The following ZNF530 variants were observed in gnomAD, a reference collection of about 807,000 sequenced individuals.
ZNF530 encodes zinc finger protein 530.
A neutral mutation model predicts 2.8 loss-of-function variants in ZNF530; 5 were observed. The observed-to-expected ratio is 1.80, with a 90% confidence interval of 0.94 to 3.78. The LOEUF (loss-of-function observed/expected upper bound fraction) is 3.78, where lower values mean the gene tolerates loss of function less well. Among genes scored for constraint, ZNF530 ranks in the 30% most tolerant of loss-of-function variants. ZNF530 has a pLI of 0.00. For missense variants in ZNF530, 619 were observed against 673.3 expected, an observed-to-expected ratio of 0.92 and a Z score of 0.89; for synonymous variants, 229 against 235.0, an observed-to-expected ratio of 0.97 and a Z score of 0.23.
At position 57,600,756 on chromosome 19, in the gene ZNF530, G is replaced by A. The variant is rs1980195506; in HGVS notation, c.-93G>A. On this transcript the variant is annotated 5_prime_UTR_variant, in exon 2 of 4. Coordinates refer to ENST00000597700, the MANE Select transcript of ZNF530 (RefSeq NM_001321981.2). ...GCCACTAGTACTTACAGGTCCGTAAGAAGCACTTGAAGACCCTACAAGGGT... is the reference window on the plus strand; with the variant it reads ...GCCACTAGTACTTACAGGTCCGTAAAAAGCACTTGAAGACCCTACAAGGGT... 6.6e-6 allele frequency: 1 copy of A among 152,278 alleles called. No individual in the cohort carries two copies. The highest frequency in any genetic ancestry group is 2.4e-5 in the African/African-American group (1 of 41,454). The allele number at this position is 152,278 out of a possible 1,614,324, so 9.4% of individuals were successfully genotyped here. A position where few individuals can be genotyped will look rare whatever the true frequency, so the allele number is the denominator to read the frequency against.
At chr19:57,610,863 C>T (rs1980850522), downstream of ZNF530, among the ~76,000 whole-genome samples, 1 of 152,170 alleles carries the variant, frequency 6.6e-6, no homozygotes, top group East Asian at 1.9e-4. Flanking sequence ...GTGAAATGGT[C>T]TGTTCAGGGC....
At chr19:57,604,167 G>A (rs539502830) in intron 2 of ZNF530, 110 bp from the exon 3 acceptor site, 237 of 1,499,766 alleles carry the variant, frequency 1.6e-4, no homozygotes, top group African/African-American at 1.4e-3. Context: ...TGTTGTATTC[G>A]CTGAGGTGGG....
At chr19:57,600,256 G>A in intron 1 of ZNF530, 122 bp downstream of exon 1, 2 of 1,204,700 alleles carry the variant, frequency 1.7e-6, no homozygotes, top group East Asian at 2.8e-5. Flanking sequence ...GCTGGATCTC[G>A]TTTCTGGTAG....
At chr19:57,605,205 A>G (rs191290997) in intron 3 of ZNF530, 324 of 153,376 alleles carry the variant, frequency 2.1e-3, no homozygotes, top group Non-Finnish European at 4.2e-3. Context: ...TCCAGCCCTT[A>G]GCTGCTACCA....
At chr19:57,612,469 A>G (rs1980911243), downstream of ZNF530, 3 of 400,724 alleles carry the variant, frequency 7.5e-6, no homozygotes, top group South Asian at 1.3e-4. Context: ...TTCTGATAGC[A>G]CTTTCTAAAT....
rs747742922 is a variant in ZNF530, at chr19:57,605,949, G to A, written c.325G>A (p.Gly109Arg). The change falls in exon 4 of 4, where the codon GGA becomes AGA. Residue 109 changes from glycine (G) to arginine (R), a missense_variant. Transcript: ENST00000597700. ...TCACCAGCTCCAGAAGCTTGATAAT[G>A]GAGAGAAGCTCTTTAAAGTGGATGG... ...NLHQLQKLDN[G>R]EKLFKVDGDQ... 3.7e-6 allele frequency: 6 copies of A among 1,614,184 alleles called. No individual in the cohort carries two copies. The East Asian group carries it at 1.1e-4, about 30-fold the overall frequency.
chr19:57,612,610 G>A (rs1241544985), downstream of ZNF530: 4 of 398,220 alleles, frequency 1.0e-5, no homozygotes, highest in Admixed American at 4.4e-5. Context: ...GAGCCCAAGA[G>A]TTTGAGGCTG....
At chr19:57,600,886 C>T in intron 2 of ZNF530, 107 bp downstream of exon 2, 1 of 152,182 alleles carries the variant, frequency 6.6e-6, no homozygotes, top group Non-Finnish European at 1.5e-5. Context: ...AGGCCTTGAG[C>T]CTAGGGACTC....
Position 57,606,878 on chromosome 19 carries a change from T to C in ZNF530, c.1254T>C (p.Phe418=), listed in dbSNP as rs1980582873. Residue 418 remains phenylalanine, a synonymous_variant, in exon 4 of 4, where the codon TTT becomes TTC. Coordinates refer to ENST00000597700, the MANE Select transcript of ZNF530 (RefSeq NM_001321981.2). ...TTTTTAGCCAAAGCTCTGGCCTCTT[T>C]CGACACAGAAGAGCTCACACTAAAA... ...GKVFSQSSGL[F]RHRRAHTKTK... is the part of the protein sequence containing the mutation. 1.9e-6 allele frequency: 3 copies of C among 1,612,298 alleles called. No homozygotes were observed. The highest frequency in any genetic ancestry group is 2.5e-6 in the Non-Finnish European group (3 of 1,179,444).
chr19:57,600,246 G>A, intron 1 of ZNF530, 112 bp downstream of exon 1: 2 of 1,263,588 alleles, frequency 1.6e-6, no homozygotes, highest in Non-Finnish European at 2.1e-6. Flanking sequence ...AGGCGCTGGT[G>A]CTGGATCTCG....
chr19:57,602,614 G>C (rs531317216), intron 2 of ZNF530, among the ~76,000 whole-genome samples: 1 of 152,216 alleles, frequency 6.6e-6, no homozygotes, highest in Non-Finnish European at 1.5e-5. Context: ...GCAGCCCTAG[G>C]AATAATACAG....
chr19:57,606,729 A>G lies in ZNF530; in HGVS notation c.1105A>G (p.Thr369Ala). The G allele has an allele frequency of 1.2e-6, 2 of 1,613,984 alleles. No individual in the cohort carries two copies. Among genetic ancestry groups the G allele is most frequent in the East Asian group, 2.2e-5 (1 of 44,844 alleles). The change falls in exon 4 of 4, where the codon ACT becomes GCT. Residue 369 changes from threonine to alanine, a missense_variant. Coordinates refer to ENST00000597700, the MANE Select transcript of ZNF530 (RefSeq NM_001321981.2). ...IYLIHHQRFHTGERPYVCSEC... is the reference protein window; with the variant it reads ...IYLIHHQRFHAGERPYVCSEC... The stretch of plus-strand genomic sequence containing the variant: ...CCTTATTCACCACCAAAGATTTCAC[A>G]CTGGAGAAAGACCTTATGTGTGCAG...
rs749422837 is a variant in ZNF530, at chr19:57,604,432, T to C, written c.61+26T>C. On this transcript the variant is annotated intron_variant, in intron 3 of 3. Transcript: ENST00000597700. ...GTAAGGCCCTCCTATTCCTCCCAGTTTCCTTTGTGGGTCTCTCCTTTTCCC... is the reference window on the plus strand; with the variant it reads ...GTAAGGCCCTCCTATTCCTCCCAGTCTCCTTTGTGGGTCTCTCCTTTTCCC... The C allele has an allele frequency of 2.5e-6, 4 of 1,605,830 alleles. No homozygotes were observed. The African/African-American group carries it at 5.4e-5, about 22-fold the overall frequency.
intron 2 of ZNF530, among the ~76,000 whole-genome samples, chr19:57,602,318 C>T (rs1047747670): frequency 3.3e-5 from 5 of 152,192 alleles, no homozygotes; most frequent in Non-Finnish European, 7.3e-5. Flanking sequence ...ACTCTTTTGA[C>T]CTTATCTAAA....
Position 57,600,149 on chromosome 19 carries a change from C to CT in ZNF530, c.-122+16dup. 6.4e-7 allele frequency: 1 copy of CT among 1,566,154 alleles called. No homozygotes were observed. The highest frequency in any genetic ancestry group is 8.7e-7 in the Non-Finnish European group (1 of 1,154,298). On this transcript the variant is annotated intron_variant, in intron 1 of 3. Coordinates refer to ENST00000597700, the MANE Select transcript of ZNF530 (RefSeq NM_001321981.2). Reference sequence around the variant, plus strand: ...CCCCGACCCAGGTGAGCGCTGCGTCCTCCCGGCCTCCTCTGCCCTCCCCAC... The same window carrying CT: ...CCCCGACCCAGGTGAGCGCTGCGTCCTTCCCGGCCTCCTCTGCCCTCCCCAC...
rs1980577816 is a variant in ZNF530 at position 57,606,835 on chromosome 19, G to A, written c.1211G>A (p.Cys404Tyr). Residue 404 changes from cysteine (C) to tyrosine (Y), a missense_variant, in exon 4 of 4, where the codon TGC becomes TAC. Physicochemically the swap from Cys to Tyr is radical, Grantham distance 194. Transcript: ENST00000597700. ...CACACTGGAGAAAGGCCTTATGAGT[G>A]CAGTGAATGTGGGAAAGTTTTTAGC... ...RVHTGERPYECSECGKVFSQS... is the reference protein window; with the variant it reads ...RVHTGERPYEYSECGKVFSQS... The A allele has an allele frequency of 6.2e-7, 1 of 1,614,082 alleles. No homozygotes were observed. The highest frequency in any genetic ancestry group is 1.7e-5 in the Admixed American group (1 of 60,006).
intron 3 of ZNF530, chr19:57,604,724 TCTAA>T (rs1399857136): frequency 9.8e-6 from 2 of 203,080 alleles, no homozygotes; most frequent in African/African-American, 4.7e-5. Context: ...GCCTTTTGCT[TCTAA>T]CTAAAATCTC....
chr19:57,607,391 C>T lies in ZNF530; in HGVS notation c.*66C>T. On this transcript the variant is annotated 3_prime_UTR_variant, in exon 4 of 4. Coordinates refer to ENST00000597700, the MANE Select transcript of ZNF530 (RefSeq NM_001321981.2). The stretch of plus-strand genomic sequence containing the variant: ...GATGGAATTTTGCTCGTCACCCAGG[C>T]TGGAGTGCAATTGTGCAATCTCAGC... 1 of 1,476,958 alleles carries T rather than the reference C, an allele frequency of 6.8e-7. No individual in the cohort carries two copies. The highest frequency in any genetic ancestry group is 2.1e-5 in the Admixed American group (1 of 47,048). 91.5% of individuals were successfully genotyped at this position (1,476,958 alleles called of 1,614,324 possible).
chr19:57,605,972 TG>T lies in ZNF530; in HGVS notation c.352del (p.Asp118ThrfsTer6). 6.2e-7 allele frequency: 1 copy of T among 1,614,190 alleles called. No individual in the cohort carries two copies. The highest frequency in any genetic ancestry group is 8.5e-7 in the Non-Finnish European group (1 of 1,180,032). ...DNGEKLFKVD[G>X]DQASFMMNCR... The stretch of plus-strand genomic sequence containing the variant: ...ATGGAGAGAAGCTCTTTAAAGTGGA[TG>T]GGGACCAGGCCTCATTTATGATGAA... On this transcript the variant is annotated frameshift_variant, in exon 4 of 4. Transcript: ENST00000597700. LOFTEE classifies it low-confidence loss of function (END_TRUNC).
Sources: gnomAD v4.1 joint callset for allele counts (sites outside exome capture counted in the v4.1 genomes callset) on GRCh38, gnomAD v4.1.1 for gene constraint, MANE v1.5 for transcripts, NCBI Gene and HGNC (gene_info 2026-07-23, HGNC 2026-07-21) for gene names.